INPP4A: variants seen among roughly 807,000 people sequenced by gnomAD.
INPP4A encodes the protein inositol polyphosphate-4-phosphatase, type I, 107kD.
A neutral mutation model predicts 119.8 loss-of-function variants in INPP4A; 33 were observed. The ratio of observed to expected loss-of-function variants is 0.28; its 90% CI spans 0.21 to 0.37. The LOEUF is 0.37. INPP4A is among the 10% of genes least tolerant of loss of function. The probability of loss-of-function intolerance (pLI) is 1.00; values close to 1 mark genes in which losing one functional copy is unlikely to be tolerated. For missense variants in INPP4A, 956 were observed against 1,289.9 expected (o/e 0.74, Z 3.97); for synonymous variants, 496 against 500.7 (o/e 0.99, Z 0.12).
chr2:98,537,755 C>A, intron 7 of INPP4A, 108 bp from the exon 8 acceptor site: 1 of 790,362 alleles, frequency 1.3e-6, no homozygotes, highest in Non-Finnish European at 2.2e-6. Context: ...TCAGCTCGGC[C>A]CTGCTGCCCC....
chr2:98,465,943 C>G (rs1028979808), intron 1 of INPP4A, among the ~76,000 whole-genome samples: 2 of 152,180 alleles, frequency 1.3e-5, no homozygotes, highest in African/African-American at 4.8e-5. Flanking sequence ...CCCTGCCCAC[C>G]TTGCTCAGTC....
intron 22 of INPP4A, 31 bp from the exon 23 acceptor site, chr2:98,572,784 C>T: frequency 6.7e-7 from 1 of 1,488,420 alleles, no homozygotes; most frequent in Non-Finnish European, 9.1e-7. Flanking sequence ...GGGTGCGTCA[C>T]CCACTCCCAC....
intron 1 of INPP4A, among the ~76,000 whole-genome samples, chr2:98,458,900 A>G (rs1345278723): frequency 6.6e-6 from 1 of 152,146 alleles, no homozygotes; most frequent in Non-Finnish European, 1.5e-5. Flanking sequence ...TTCTCAAAGC[A>G]TGGCTGACTG....
intron 4 of INPP4A, among the ~76,000 whole-genome samples, chr2:98,532,949 A>G (rs1485553166): frequency 2.0e-5 from 3 of 152,336 alleles, no homozygotes; most frequent in East Asian, 3.9e-4. Context: ...GGAGCACCAT[A>G]TGCTCAGAGT....
At position 98,537,986 on chromosome 2, in the gene INPP4A, C is replaced by T. The variant is rs746823737; in HGVS notation, c.579+12C>T. ...CTGTCAATGGGAGGGTGAGTTACAC[C>T]ACTTTCCTCCTCTCCCTTAGAAAGA... On this transcript the variant is annotated intron_variant, in intron 8 of 24. Transcript: ENST00000409851. The T allele has an allele frequency of 3.3e-6, 5 of 1,514,620 alleles. No homozygotes were observed. The Admixed American group carries it at 6.9e-5, about 21-fold the overall frequency. 93.8% of individuals were successfully genotyped at this position (1,514,620 alleles called of 1,614,324 possible).
intron 13 of INPP4A, among the ~76,000 whole-genome samples, chr2:98,547,997 C>T (rs1466873851): frequency 6.6e-6 from 1 of 152,144 alleles, no homozygotes; most frequent in Non-Finnish European, 1.5e-5. Context: ...GTGGTTGGCA[C>T]CTGACTGTGC....
At chr2:98,565,958 G>A in intron 20 of INPP4A, 71 bp from the exon 21 acceptor site, 2 of 1,543,290 alleles carry the variant, frequency 1.3e-6, no homozygotes, top group South Asian at 2.4e-5. Flanking sequence ...CAGAGGGCCA[G>A]CCTGGGCACT....
intron 1 of INPP4A, among the ~76,000 whole-genome samples, chr2:98,506,641 C>T (rs1228633339): frequency 3.3e-5 from 5 of 152,244 alleles, no homozygotes; most frequent in Non-Finnish European, 5.9e-5. Context: ...TCTTGACCCT[C>T]TTCTGTGGAT....
Position 98,492,236 on chromosome 2 carries a change from A to C in INPP4A, c.-165-26728A>C, listed in dbSNP as rs138062110. Among the ~76,000 whole-genome samples, 101 of 152,256 alleles carry C rather than the reference A, an allele frequency of 6.6e-4. 1 individual carries two copies. The highest frequency in any genetic ancestry group is 2.3e-3 in the African/African-American group (95 of 41,542). The stretch of plus-strand genomic sequence containing the variant: ...TCTTATGATAGGTTTTTTGGGATGT[A>C]ACACCATTGTAAGTTGAGAAGCATA... On this transcript the variant is annotated intron_variant, in intron 1 of 24. Transcript: ENST00000409851.
chr2:98,551,386 T>C, intron 13 of INPP4A, among the ~76,000 whole-genome samples: 1 of 152,252 alleles, frequency 6.6e-6, no homozygotes, highest in East Asian at 1.9e-4. Flanking sequence ...ACTCCTGTTG[T>C]GCCCCACGAG....
chr2:98,513,387 T>G (rs1421224255), intron 1 of INPP4A, among the ~76,000 whole-genome samples: 1 of 152,232 alleles, frequency 6.6e-6, no homozygotes, highest in South Asian at 2.1e-4. Flanking sequence ...CATACCTGTT[T>G]TATCATTTGC....
At chr2:98,544,041 G>T (rs769129183) in intron 11 of INPP4A, 34 bp downstream of exon 11, 1 of 1,529,626 alleles carries the variant, frequency 6.5e-7, no homozygotes, top group East Asian at 2.5e-5. Context: ...CCACACACGC[G>T]TGCGCACACA....
intron 1 of INPP4A, among the ~76,000 whole-genome samples, chr2:98,516,163 G>A (rs1686085425): frequency 6.6e-6 from 1 of 152,136 alleles, no homozygotes; most frequent in Non-Finnish European, 1.5e-5. Context: ...CGAATCCTTG[G>A]TGAATTACCT....
intron 16 of INPP4A, 103 bp from the exon 17 acceptor site, chr2:98,559,360 T>G: frequency 1.5e-6 from 2 of 1,328,116 alleles, no homozygotes; most frequent in Non-Finnish European, 2.2e-6. Flanking sequence ...GTTAGCCGCC[T>G]TACTGCAAGC....
chr2:98,531,614 CACA>C (rs1414792042), intron 4 of INPP4A, among the ~76,000 whole-genome samples: 2 of 152,086 alleles, frequency 1.3e-5, no homozygotes, highest in South Asian at 2.1e-4. Context: ...TACCAGAAAA[CACA>C]ACACTTAAAG....
chr2:98,469,397 A>C (rs1369173726), intron 1 of INPP4A, among the ~76,000 whole-genome samples: 1 of 151,830 alleles, frequency 6.6e-6, no homozygotes, highest in Non-Finnish European at 1.5e-5. Flanking sequence ...GCTTCTCGGG[A>C]GGCTGAGGCA....
intron 1 of INPP4A, among the ~76,000 whole-genome samples, chr2:98,515,438 G>T (rs1192852108): frequency 6.7e-6 from 1 of 148,888 alleles, no homozygotes; most frequent in East Asian, 2.0e-4. Flanking sequence ...GGTGGGGTAG[G>T]ACGGGGGTGG....
chr2:98,485,717 A>G (rs1343604206), intron 1 of INPP4A, among the ~76,000 whole-genome samples: 1 of 152,172 alleles, frequency 6.6e-6, no homozygotes, highest in Non-Finnish European at 1.5e-5. Context: ...GATGTGTGGG[A>G]ACTTTTTTGA....
In INPP4A at chr2:98,555,732, C is replaced by T. The variant is rs1694342658; in HGVS notation, c.1746C>T (p.Asp582=). 1.2e-6 allele frequency: 2 copies of T among 1,606,260 alleles called. No individual in the cohort carries two copies. Among genetic ancestry groups the T allele is most frequent in the African/African-American group, 1.3e-5 (1 of 74,918 alleles). ...DSHAYWIRPE[D]PFCDVPSSPC... Reference sequence around the variant, plus strand: ...ACGCCTACTGGATCAGACCAGAAGACCCCTTCTGTGATGTCCCCTCCTCAC... The same window carrying T: ...ACGCCTACTGGATCAGACCAGAAGATCCCTTCTGTGATGTCCCCTCCTCAC... The change falls in exon 16 of 25, where the codon GAC becomes GAT. Residue 582 remains aspartate (D), a synonymous_variant. Transcript: ENST00000409851.
Sources: gnomAD v4.1 joint callset for allele counts (sites outside exome capture counted in the v4.1 genomes callset) on GRCh38, gnomAD v4.1.1 for gene constraint, MANE v1.5 for transcripts, NCBI Gene and HGNC (gene_info 2026-07-23, HGNC 2026-07-21) for gene names.